The following SLC35B3 variants were observed in gnomAD, a reference collection of about 807,000 sequenced individuals.
SLC35B3 encodes the protein solute carrier family 35 member B3.
In SLC35B3, 35 loss-of-function variants were observed where a neutral mutation model predicts 44.1. The observed-to-expected ratio is 0.79, with a 90% CI of 0.61 to 1.05. SLC35B3 has a LOEUF of 1.05. Ranked by LOEUF, SLC35B3 falls within the 50% of genes least tolerant of loss-of-function variation. The probability of loss-of-function intolerance (pLI) is 0.00; values close to 1 mark genes in which losing one functional copy is unlikely to be tolerated. For missense variants in SLC35B3, 414 were observed against 476.4 expected (o/e 0.87, Z 1.22); for synonymous variants, 146 against 167.3 (o/e 0.87, Z 0.98).
At chr6:8,427,765 ATTT>A in intron 4 of SLC35B3, 169 bp downstream of exon 3, 1 of 481,176 alleles carries the variant, frequency 2.1e-6, no homozygotes, top group Admixed American at 3.8e-5. Context: ...TTAAGACTTT[ATTT>A]TTTTCAGTGT....
At position 8,422,584 on chromosome 6, in the gene SLC35B3, C is replaced by G. The variant is rs770722268; in HGVS notation, c.460G>C (p.Val154Leu). ...GTGTTTGATAACCCCATAGTACCCA[C>G]AGTTAGAAAAGCTATTATCATGTAG... The change falls in exon 5 of 11, where the codon GTG becomes CTG. Residue 154 changes from valine (V) to leucine (L), a missense_variant. Coordinates refer to ENST00000644923, the MANE Select transcript of SLC35B3 (RefSeq NM_001370476.2). 6.2e-7 allele frequency: 1 copy of G among 1,612,866 alleles called. No individual in the cohort carries two copies. The highest frequency in any genetic ancestry group is 8.5e-7 in the Non-Finnish European group (1 of 1,179,504).
intron 10 of SLC35B3, 35 bp from the exon 10 acceptor site, chr6:8,413,734 T>C (rs766889379): frequency 7.4e-7 from 1 of 1,344,590 alleles, no homozygotes; most frequent in South Asian, 1.4e-5. Flanking sequence ...AAATTAAAAT[T>C]AGCAAAATAA....
intron 2 of SLC35B3, among the ~76,000 whole-genome samples, chr6:8,431,829 C>A (rs1261850896): frequency 6.6e-6 from 1 of 152,156 alleles, no homozygotes; most frequent in Non-Finnish European, 1.5e-5. Flanking sequence ...GTGCACCATT[C>A]AAATAAACCC....
chr6:8,415,986 G>A (rs905274941), intron 9 of SLC35B3, among the ~76,000 whole-genome samples: 4 of 152,294 alleles, frequency 2.6e-5, no homozygotes, highest in African/African-American at 9.6e-5. Flanking sequence ...CACCATACCA[G>A]CTTAGAGGCA....
rs887281919 is a variant in SLC35B3 at position 8,434,448 on chromosome 6, A to G, written c.-43-18T>C. The G allele has an allele frequency of 3.7e-6, 6 of 1,603,010 alleles. No homozygotes were observed. In the African/African-American group the frequency reaches 6.7e-5, roughly 18 times the overall value. On this transcript the variant is annotated intron_variant, in intron 1 of 10. Transcript: ENST00000644923. This position sits in a 1 kb window ranked among gnomAD's most constrained non-coding sequence, Gnocchi z 6.3. ...ATCATGGCCTATGGTGTACGATTAT[A>G]AAACAGAAAAAACAAAGTTCCATCT...
Position 8,414,979 on chromosome 6 carries a change from T to A in SLC35B3, c.986-2A>T. 1.3e-6 allele frequency: 2 copies of A among 1,598,574 alleles called. No homozygotes were observed. Among genetic ancestry groups the A allele is most frequent in the Non-Finnish European group, 8.6e-7 (1 of 1,169,032 alleles). ...TCATTGCTTTTCTTCCTGTTGTCACTGTAGGAGCAAAAAATTAGTTTAGAA... is the reference window on the plus strand; with the variant it reads ...TCATTGCTTTTCTTCCTGTTGTCACAGTAGGAGCAAAAAATTAGTTTAGAA... On this transcript the variant is annotated splice_acceptor_variant, in intron 9 of 10. Transcript: ENST00000644923. LOFTEE classifies it high-confidence loss of function.
intron 9 of SLC35B3, among the ~76,000 whole-genome samples, chr6:8,415,577 A>G (rs1475611830): frequency 6.6e-6 from 1 of 152,112 alleles, no homozygotes; most frequent in African/African-American, 2.4e-5. Flanking sequence ...ATCGGTTGCC[A>G]TCTTCCCACT....
intron 7 of SLC35B3, 95 bp from the exon 7 acceptor site, chr6:8,417,589 A>G (rs1258166675): frequency 6.4e-6 from 4 of 629,108 alleles, no homozygotes; most frequent in Non-Finnish European, 8.1e-6. Context: ...GGTTTGCAGA[A>G]CAAACATTTT....
chr6:8,421,342 T>C (rs1162268555), intron 5 of SLC35B3, among the ~76,000 whole-genome samples: 2 of 152,212 alleles, frequency 1.3e-5, no homozygotes, highest in Non-Finnish European at 2.9e-5. Flanking sequence ...TATGACTTTT[T>C]TGTAAGGTTT....
In SLC35B3 at chr6:8,420,217, A is replaced by AT. The variant is rs1024152407; in HGVS notation, c.682+503dup. Among the ~76,000 whole-genome samples the AT allele has an allele frequency of 1.3e-5, 2 of 152,034 alleles. No individual in the cohort carries two copies. The highest frequency in any genetic ancestry group is 4.8e-5 in the African/African-American group (2 of 41,388). ...CTTTGTATAAACACACTCAGCACACATTTTCCATGATTTCCAAGGTGTTTT... is the reference window on the plus strand; with the variant it reads ...CTTTGTATAAACACACTCAGCACACATTTTTCCATGATTTCCAAGGTGTTTT... On this transcript the variant is annotated intron_variant, in intron 6 of 10. Coordinates refer to ENST00000644923, the MANE Select transcript of SLC35B3 (RefSeq NM_001370476.2). The surrounding 1 kb of genome is among the most constrained non-coding windows in gnomAD (Gnocchi z 4.4).
rs903335133 is a variant in SLC35B3, at chr6:8,412,930, A to C, written c.*619T>G. 4.1e-4 allele frequency: 62 copies of C among 152,320 alleles called. No homozygotes were observed. Among genetic ancestry groups the C allele is most frequent in the African/African-American group, 1.4e-3 (58 of 41,570 alleles). The allele number at this position is 152,320 out of a possible 1,614,324, so 9.4% of individuals were successfully genotyped here. ...TCCTAACAGGCCACGGACTGGTACC[A>C]GTCCACGGCCTGGGTGGTTGGGAGC... On this transcript the variant is annotated 3_prime_UTR_variant, in exon 11 of 11. Coordinates refer to ENST00000644923, the MANE Select transcript of SLC35B3 (RefSeq NM_001370476.2).
At chr6:8,426,581 C>T (rs1291830617) in intron 4 of SLC35B3, among the ~76,000 whole-genome samples, 5 of 152,128 alleles carry the variant, frequency 3.3e-5, no homozygotes, top group African/African-American at 1.2e-4. Context: ...CTTTTGACTC[C>T]TGCCATGATT....
chr6:8,420,711 A>T lies in SLC35B3; in HGVS notation c.682+10T>A. On this transcript the variant is annotated intron_variant, in intron 6 of 10. Transcript: ENST00000644923. This position sits in a 1 kb window ranked among gnomAD's most constrained non-coding sequence, Gnocchi z 4.4. ...CCTATAAAAGCTAGGAATATAAATA[A>T]ATTACTTACCCGTCAGGTTGAAATT... is the stretch of plus-strand genomic sequence containing the variant. 6 of 1,597,078 alleles carry T rather than the reference A, an allele frequency of 3.8e-6. No individual in the cohort carries two copies. Among genetic ancestry groups the T allele is most frequent in the Non-Finnish European group, 5.1e-6 (6 of 1,167,890 alleles).
rs1469663839 is a variant in SLC35B3 at position 8,434,058 on chromosome 6, T to A, written c.3+327A>T. The stretch of plus-strand genomic sequence containing the variant: ...AATATATATATATATATTTTAAAAA[T>A]CACAGGTGTGTATAATTGCCTGAGG... On this transcript the variant is annotated intron_variant, in intron 2 of 10. Coordinates refer to ENST00000644923, the MANE Select transcript of SLC35B3 (RefSeq NM_001370476.2). This position sits in a 1 kb window ranked among gnomAD's most constrained non-coding sequence, Gnocchi z 6.3. Among the ~76,000 whole-genome samples the A allele has an allele frequency of 7.4e-6, 1 of 134,906 alleles. No homozygotes were observed. Among genetic ancestry groups the A allele is most frequent in the Admixed American group, 7.8e-5 (1 of 12,896 alleles). The allele number at this position is 134,906 out of a possible 152,430, so 88.5% of individuals were successfully genotyped here. A position where few individuals can be genotyped will look rare whatever the true frequency, so the allele number is the denominator to read the frequency against.
At chr6:8,424,880 A>T (rs1435063553) in intron 4 of SLC35B3, among the ~76,000 whole-genome samples, 1 of 152,196 alleles carries the variant, frequency 6.6e-6, no homozygotes, top group Non-Finnish European at 1.5e-5. Flanking sequence ...GTATGTCGGT[A>T]TTCACATAAA....
At chr6:8,428,986 T>C (rs1028705713) in intron 3 of SLC35B3, among the ~76,000 whole-genome samples, 1 of 152,192 alleles carries the variant, frequency 6.6e-6, no homozygotes, top group Admixed American at 6.5e-5. Context: ...TTTCCCTTGA[T>C]GATCATCTCT....
chr6:8,413,690 C>A lies in SLC35B3; in HGVS notation c.1065G>T (p.Trp355Cys), dbSNP rs1361826298. The A allele has an allele frequency of 9.8e-6, 15 of 1,529,952 alleles. No individual in the cohort carries two copies. The highest frequency in any genetic ancestry group is 1.2e-5 in the South Asian group (1 of 84,048). The allele number at this position is 1,529,952 out of a possible 1,614,324, so 94.8% of individuals were successfully genotyped here. The change falls in exon 11 of 11, where the codon TGG (tryptophan) becomes TGT (cysteine). Residue 355 changes from tryptophan (W) to cysteine (C), a missense_variant. Trp to Cys is a radical substitution (Grantham distance 215). Transcript: ENST00000644923. The stretch of plus-strand genomic sequence containing the variant: ...TACCAAGGACAACTAACAAACCAGA[C>A]CATACATACCTAAGAGAAAGAAATA...
At position 8,416,943 on chromosome 6, in the gene SLC35B3, A is replaced by G; in HGVS notation, c.926T>C (p.Phe309Ser). ...CAAAGCCAGAACAAAGGAGATTCCA[A>G]AATATCCAGTGAGGGAAAAAAGGAA... Residue 309 changes from phenylalanine (F) to serine (S), a missense_variant, in exon 9 of 11, where the codon TTT (phenylalanine) becomes TCT (serine). Physicochemically the swap from Phe to Ser is radical, Grantham distance 155. Transcript: ENST00000644923. 1.2e-6 allele frequency: 2 copies of G among 1,607,728 alleles called. No individual in the cohort carries two copies. The highest frequency in any genetic ancestry group is 1.7e-6 in the Non-Finnish European group (2 of 1,177,266).
At position 8,419,542 on chromosome 6, in the gene SLC35B3, ATCTG is replaced by A. The variant is rs1332343098; in HGVS notation, c.780+34_780+37del. On this transcript the variant is annotated intron_variant, in intron 7 of 10. Transcript: ENST00000644923. The surrounding 1 kb of genome is among the most constrained non-coding windows in gnomAD (Gnocchi z 4.3). ...AATTACGTGTATCACCATTTTTTAA[ATCTG>A]TCTAATTTGAAGAAAAAACACTAGA... The A allele has an allele frequency of 2.7e-5, 29 of 1,076,310 alleles. No individual in the cohort carries two copies. The highest frequency in any genetic ancestry group is 3.6e-5 in the Non-Finnish European group (27 of 742,928). The allele number at this position is 1,076,310 out of a possible 1,614,324, so 66.7% of individuals were successfully genotyped here.
Sources: allele counts gnomAD v4.1 joint callset (sites outside exome capture counted in the v4.1 genomes callset), GRCh38; gene constraint gnomAD v4.1.1; non-coding constraint Gnocchi (gnomAD v3.1); transcripts MANE v1.5; gene names NCBI Gene and HGNC (gene_info 2026-07-23, HGNC 2026-07-21).